The following STK32B variants were observed in gnomAD, a reference collection of about 807,000 sequenced individuals.
STK32B encodes serine/threonine-protein kinase 32B.
Under a neutral mutation model 52.6 loss-of-function variants are expected in STK32B, and 43 were observed. The ratio of observed to expected loss-of-function variants is 0.82; its 90% CI spans 0.64 to 1.05. The LOEUF (loss-of-function observed/expected upper bound fraction) is 1.05. STK32B is among the 50% of genes least tolerant of loss of function. The pLI is 0.00. For synonymous variants in STK32B, 238 were observed against 204.3 expected (o/e 1.17, Z -1.41); for missense variants, 621 against 534.6 (o/e 1.16, Z -1.59).
At chr4:5,127,869 C>T (rs980376849) in intron 1 of STK32B, among the ~76,000 whole-genome samples, 5 of 151,738 alleles carry the variant, frequency 3.3e-5, no homozygotes, top group Middle Eastern at 3.4e-3. Context: ...CAGCTGTTCT[C>T]GTGATAGTAA....
At chr4:5,168,813 G>A (rs1042972805) in intron 3 of STK32B, among the ~76,000 whole-genome samples, 6 of 152,124 alleles carry the variant, frequency 3.9e-5, no homozygotes, top group African/African-American at 1.4e-4. Context: ...TGGCAGGAAG[G>A]GCAACTGGAA....
At chr4:5,332,320 C>T (rs1431144220) in intron 4 of STK32B, among the ~76,000 whole-genome samples, 4 of 152,088 alleles carry the variant, frequency 2.6e-5, no homozygotes, top group East Asian at 3.9e-4. Context: ...ACTTAGGAAA[C>T]GGGAAACTGA....
intron 4 of STK32B, among the ~76,000 whole-genome samples, chr4:5,356,605 G>A (rs1359394534): frequency 1.3e-5 from 2 of 152,108 alleles, no homozygotes; most frequent in African/African-American, 4.8e-5. Context: ...CGCTTATTGT[G>A]TATATGACAC....
chr4:5,118,042 T>G (rs534508760), intron 1 of STK32B, among the ~76,000 whole-genome samples: 183 of 152,348 alleles, frequency 1.2e-3, no homozygotes, highest in African/African-American at 4.3e-3. Context: ...TTGTCTGGCT[T>G]TGATATCAGG....
intron 3 of STK32B, among the ~76,000 whole-genome samples, chr4:5,185,945 T>C (rs909833695): frequency 1.3e-5 from 2 of 152,220 alleles, no homozygotes; most frequent in African/African-American, 4.8e-5. Context: ...TGATCTGTCA[T>C]ACATCCTACT....
intron 1 of STK32B, among the ~76,000 whole-genome samples, chr4:5,073,639 G>T (rs1711909726): frequency 1.3e-5 from 2 of 151,942 alleles, no homozygotes; most frequent in Non-Finnish European, 2.9e-5. Context: ...AATAATTTCT[G>T]TTGTGCTTTC....
At chr4:5,154,707 G>A (rs1717651609) in intron 2 of STK32B, among the ~76,000 whole-genome samples, 1 of 152,140 alleles carries the variant, frequency 6.6e-6, no homozygotes, top group Non-Finnish European at 1.5e-5. Flanking sequence ...TGGCTTCTGG[G>A]CTGCTGATCT....
intron 1 of STK32B, among the ~76,000 whole-genome samples, chr4:5,070,369 G>T (rs1413542020): frequency 2.6e-5 from 4 of 152,120 alleles, no homozygotes; most frequent in African/African-American, 9.7e-5. Flanking sequence ...TTTCTTGGCA[G>T]CCCCTATGGA....
chr4:5,203,625 C>T (rs1016955194), intron 3 of STK32B, among the ~76,000 whole-genome samples: 1 of 152,340 alleles, frequency 6.6e-6, no homozygotes, highest in East Asian at 1.9e-4. Context: ...GTTATGTCCT[C>T]AGTGCCTACC....
At chr4:5,283,917 A>T (rs2108874122) in intron 3 of STK32B, among the ~76,000 whole-genome samples, 1 of 152,310 alleles carries the variant, frequency 6.6e-6, no homozygotes, top group East Asian at 1.9e-4. Context: ...TGAAAACAAA[A>T]ACTCAGTGGT....
chr4:5,388,591 C>G (rs1736405479), intron 4 of STK32B, among the ~76,000 whole-genome samples: 1 of 152,160 alleles, frequency 6.6e-6, no homozygotes, highest in African/African-American at 2.4e-5. Context: ...ATGGCTCCAG[C>G]CTTGGGGAGC....
chr4:5,080,450 T>G (rs979736663), intron 1 of STK32B, among the ~76,000 whole-genome samples: 1 of 152,206 alleles, frequency 6.6e-6, no homozygotes, highest in Non-Finnish European at 1.5e-5. Context: ...TGACTACTTC[T>G]TCCTGGCTTT....
At chr4:5,497,411 A>G (rs1251264768) in intron 11 of STK32B, among the ~76,000 whole-genome samples, 1 of 152,228 alleles carries the variant, frequency 6.6e-6, no homozygotes, top group African/African-American at 2.4e-5. Flanking sequence ...ATATCCCATC[A>G]CCAAGGCCTC....
chr4:5,353,475 G>A (rs1237922483), intron 4 of STK32B, among the ~76,000 whole-genome samples: 1 of 151,706 alleles, frequency 6.6e-6, no homozygotes, highest in Non-Finnish European at 1.5e-5. Context: ...ATTTTGAATG[G>A]GAGAAAATAT....
At chr4:5,349,488 C>T (rs1332669678) in intron 4 of STK32B, among the ~76,000 whole-genome samples, 3 of 151,922 alleles carry the variant, frequency 2.0e-5, no homozygotes, top group Non-Finnish European at 4.4e-5. Context: ...AGGAAAAAGT[C>T]TTCCCCTATG....
At position 5,186,576 on chromosome 4, in the gene STK32B, A is replaced by C. The variant is rs187775769; in HGVS notation, c.260+18126A>C. Among the ~76,000 whole-genome samples the C allele has an allele frequency of 4.9e-3, 750 of 152,212 alleles. 1 individual carries two copies. The highest frequency in any genetic ancestry group is 7.9e-3 in the Non-Finnish European group (540 of 68,002). ...GTGCTTTGGTGTCCTGGGTTAACTTAAAAACTATAGAGATTTCAAACACCC... is the reference window on the plus strand; with the variant it reads ...GTGCTTTGGTGTCCTGGGTTAACTTCAAAACTATAGAGATTTCAAACACCC... On this transcript the variant is annotated intron_variant, in intron 3 of 11. Coordinates refer to ENST00000282908, the MANE Select transcript of STK32B (RefSeq NM_018401.3).
At chr4:5,468,120 C>G in intron 11 of STK32B, 50 bp downstream of exon 11, 1 of 1,589,810 alleles carries the variant, frequency 6.3e-7, no homozygotes, top group South Asian at 1.1e-5. Context: ...CTAAGTGACC[C>G]AAGGTCCTCC....
Position 5,085,469 on chromosome 4 carries a change from G to A in STK32B, c.52+33554G>A, listed in dbSNP as rs181274457. On this transcript the variant is annotated intron_variant, in intron 1 of 11. Coordinates refer to ENST00000282908, the MANE Select transcript of STK32B (RefSeq NM_018401.3). ...ACATTTCACCATGGGATGCTGTAAT[G>A]GTTACTTCCCCCATGGAACTGGTGT... Among the ~76,000 whole-genome samples, 3 of 152,234 alleles carry A rather than the reference G, an allele frequency of 2.0e-5. No individual in the cohort carries two copies. In the East Asian group the frequency reaches 5.8e-4, roughly 29 times the overall value.
At chr4:5,405,742 T>A (rs560722080) in intron 5 of STK32B, among the ~76,000 whole-genome samples, 1 of 152,160 alleles carries the variant, frequency 6.6e-6, no homozygotes, top group Admixed American at 6.5e-5. Context: ...AATTCATTAT[T>A]ATGAGAACAG....
Sources: allele counts gnomAD v4.1 joint callset (sites outside exome capture counted in the v4.1 genomes callset), GRCh38; gene constraint gnomAD v4.1.1; transcripts MANE v1.5; gene names NCBI Gene and HGNC (gene_info 2026-07-23, HGNC 2026-07-21).